SLC40A1: variants seen among roughly 807,000 people sequenced by gnomAD.
The protein encoded by SLC40A1 is ferroportin.
Under a neutral mutation model 53.5 loss-of-function variants are expected in SLC40A1, and 16 were observed. That is an observed-to-expected ratio of 0.30 (90% CI 0.20 to 0.45). The LOEUF (loss-of-function observed/expected upper bound fraction) is 0.45. Ranked by LOEUF, SLC40A1 falls within the 20% of genes least tolerant of loss-of-function variation. SLC40A1 has a pLI of 1.00. For synonymous variants in SLC40A1, 247 were observed against 253.2 expected (o/e 0.98, Z 0.23); for missense variants, 545 against 695.4 (o/e 0.78, Z 2.43).
chr2:189,570,038 A>G (rs2031075274), intron 5 of SLC40A1, among the ~76,000 whole-genome samples: 1 of 137,768 alleles, frequency 7.3e-6, no homozygotes, highest in South Asian at 2.2e-4. Context: ...GTATGTATAT[A>G]TATATACACA....
intron 2 of SLC40A1, among the ~76,000 whole-genome samples, chr2:189,576,891 C>A (rs1469337955): frequency 6.6e-6 from 1 of 152,142 alleles, no homozygotes; most frequent in East Asian, 1.9e-4. Flanking sequence ...GACATCAAGA[C>A]AAATGCTATT....
chr2:189,578,362 T>C (rs2031357889), intron 2 of SLC40A1: 3 of 1,002,346 alleles, frequency 3.0e-6, no homozygotes, highest in African/African-American at 1.7e-5. Flanking sequence ...TACTGTAAAG[T>C]TGGGATAAGC....
intron 2 of SLC40A1, chr2:189,578,462 G>A: frequency 1.5e-6 from 1 of 667,458 alleles, no homozygotes; most frequent in Non-Finnish European, 1.9e-6. Flanking sequence ...TGGCAAATCT[G>A]ACCTCCTAAC....
rs370435973 is a variant in SLC40A1, at chr2:189,563,761, G to A, written c.1225C>T (p.Arg409Ter). Residue 409 changes from arginine (R) to a stop codon, truncating the protein, a stop_gained, in exon 7 of 8, where the codon CGA (arginine) becomes TGA (stop). Transcript: ENST00000261024. LOFTEE classifies it high-confidence loss of function. Reference sequence around the variant, plus strand: ...GACTCTCCTTGAATGAACCTTGATCGGATATCTTCAAAAGGAGAAACGGAC... The same window carrying A: ...GACTCTCCTTGAATGAACCTTGATCAGATATCTTCAAAAGGAGAAACGGAC... Reference protein sequence around the residue: ...DLSVSPFEDIRSRFIQGESIT... With the variant: ...DLSVSPFEDI 6 of 1,614,060 alleles carry A rather than the reference G, an allele frequency of 3.7e-6. No homozygotes were observed. Among genetic ancestry groups the A allele is most frequent in the Non-Finnish European group, 5.1e-6 (6 of 1,179,996 alleles).
At position 189,564,799 on chromosome 2, in the gene SLC40A1, C is replaced by T. The variant is rs548433227; in HGVS notation, c.760+555G>A. Among the ~76,000 whole-genome samples, 6 of 152,252 alleles carry T rather than the reference C, an allele frequency of 3.9e-5. No homozygotes were observed. In the South Asian group the frequency reaches 1.2e-3, roughly 32 times the overall value. On this transcript the variant is annotated intron_variant, in intron 6 of 7. Coordinates refer to ENST00000261024, the MANE Select transcript of SLC40A1 (RefSeq NM_014585.6). The stretch of plus-strand genomic sequence containing the variant: ...AGCTTGCAGTGAGCCAAGATCGCGC[C>T]ACTGCACTCCAGCCTGGGCGACAGA...
At chr2:189,571,894 CAT>C in intron 4 of SLC40A1, 53 bp from the exon 5 acceptor site, 1 of 1,121,894 alleles carries the variant, frequency 8.9e-7, no homozygotes, top group Non-Finnish European at 1.4e-6. Flanking sequence ...CCACACTGTA[CAT>C]ATGTCACTAA....
chr2:189,563,010 A>G (rs904855786), intron 7 of SLC40A1, among the ~76,000 whole-genome samples: 38 of 152,226 alleles, frequency 2.5e-4, no homozygotes, highest in African/African-American at 9.2e-4. Flanking sequence ...TATAATTAAT[A>G]TAGCTAATAT....
intron 2 of SLC40A1, among the ~76,000 whole-genome samples, chr2:189,576,814 T>G (rs2031300290): frequency 1.3e-5 from 2 of 152,214 alleles, no homozygotes; most frequent in South Asian, 4.1e-4. Flanking sequence ...TTTCTAATAC[T>G]GTTGTTTCTT....
chr2:189,561,421 G>C lies in SLC40A1; in HGVS notation c.*457C>G, dbSNP rs1324644709. ...GGATAATATTAGTTATCAAAATTTA[G>C]TCTTCATACTTGAAGAATTTGTTTT... On this transcript the variant is annotated 3_prime_UTR_variant, in exon 8 of 8. Transcript: ENST00000261024. The C allele has an allele frequency of 6.1e-6, 1 of 165,144 alleles. No individual in the cohort carries two copies. Among genetic ancestry groups the C allele is most frequent in the East Asian group, 1.7e-4 (1 of 5,906 alleles). 10.2% of individuals were successfully genotyped at this position (165,144 alleles called of 1,614,324 possible).
chr2:189,580,762 A>G lies in SLC40A1; in HGVS notation c.-302T>C. ...CCGAGCCTAGCGGACGCCCTGAGCC[A>G]GCTCTCTCCGCCGCCGCCGCCGCCG... On this transcript the variant is annotated 5_prime_UTR_variant, in exon 1 of 8. Coordinates refer to ENST00000261024, the MANE Select transcript of SLC40A1 (RefSeq NM_014585.6). 1.5e-6 allele frequency: 2 copies of G among 1,304,954 alleles called. No homozygotes were observed. Among genetic ancestry groups the G allele is most frequent in the South Asian group, 1.5e-5 (1 of 65,298 alleles). The allele number at this position is 1,304,954 out of a possible 1,614,324, so 80.8% of individuals were successfully genotyped here.
rs184175592 is a variant in SLC40A1, at chr2:189,564,611, C to T, written c.761-386G>A. 5.7e-3 allele frequency among the ~76,000 whole-genome samples: 872 copies of T among 152,140 alleles called. 12 individuals carry two copies. Among genetic ancestry groups the T allele is most frequent in the African/African-American group, 0.019 (785 of 41,506 alleles). ...ATCCCAGCACTTTGGGAGGCCGAGGCGGGCAGATCACGAGGTCAGGAGATC... is the reference window on the plus strand; with the variant it reads ...ATCCCAGCACTTTGGGAGGCCGAGGTGGGCAGATCACGAGGTCAGGAGATC... On this transcript the variant is annotated intron_variant, in intron 6 of 7. Coordinates refer to ENST00000261024, the MANE Select transcript of SLC40A1 (RefSeq NM_014585.6).
In SLC40A1 at chr2:189,580,613, A is replaced by G; in HGVS notation, c.-153T>C. 6.5e-7 allele frequency: 1 copy of G among 1,546,866 alleles called. No homozygotes were observed. Among genetic ancestry groups the G allele is most frequent in the Middle Eastern group, 1.7e-4 (1 of 5,986 alleles). Reference sequence around the variant, plus strand: ...AAAGACTACAACGACGACTTTGGCAAAGAACAAAAGAAAAGGGGCCCAGGG... The same window carrying G: ...AAAGACTACAACGACGACTTTGGCAGAGAACAAAAGAAAAGGGGCCCAGGG... On this transcript the variant is annotated 5_prime_UTR_variant, in exon 1 of 8. Transcript: ENST00000261024.
At chr2:189,576,228 C>T (rs2031281820) in intron 2 of SLC40A1, among the ~76,000 whole-genome samples, 1 of 152,140 alleles carries the variant, frequency 6.6e-6, no homozygotes, top group South Asian at 2.1e-4. Flanking sequence ...CATGTTCCAT[C>T]ATAACTTATC....
At position 189,580,610 on chromosome 2, in the gene SLC40A1, GCAAAGAA is replaced by G. The variant is rs1015752467; in HGVS notation, c.-157_-151del. The G allele has an allele frequency of 3.6e-5, 56 of 1,554,252 alleles. No individual in the cohort carries two copies. In the African/African-American group the frequency reaches 7.3e-4, roughly 20 times the overall value. On this transcript the variant is annotated 5_prime_UTR_variant, in exon 1 of 8. Transcript: ENST00000261024. ...CAAAAAGACTACAACGACGACTTTG[GCAAAGAA>G]CAAAAGAAAAGGGGCCCAGGGATTT... is the stretch of plus-strand genomic sequence containing the variant.
Position 189,580,473 on chromosome 2 carries a change from C to T in SLC40A1, c.-13G>A. 1.2e-6 allele frequency: 2 copies of T among 1,613,336 alleles called. No individual in the cohort carries two copies. Among genetic ancestry groups the T allele is most frequent in the African/African-American group, 1.3e-5 (1 of 75,038 alleles). Reference sequence around the variant, plus strand: ...CCGCCCTGGTCATGACACTAGGCGACCCCGCTGGCTCTTCTGCGGCTGCTA... The same window carrying T: ...CCGCCCTGGTCATGACACTAGGCGATCCCGCTGGCTCTTCTGCGGCTGCTA... On this transcript the variant is annotated 5_prime_UTR_variant, in exon 1 of 8. Coordinates refer to ENST00000261024, the MANE Select transcript of SLC40A1 (RefSeq NM_014585.6).
chr2:189,578,316 A>G (rs1401729741), intron 2 of SLC40A1: 8 of 1,002,342 alleles, frequency 8.0e-6, no homozygotes. Flanking sequence ...TGTTTGTTTA[A>G]TCCAACTTTC....
At chr2:189,569,145 C>A (rs2105625403) in intron 5 of SLC40A1, among the ~76,000 whole-genome samples, 1 of 152,356 alleles carries the variant, frequency 6.6e-6, no homozygotes, top group African/African-American at 2.4e-5. Flanking sequence ...AACTTTTTAA[C>A]CTTGGCAGGG....
rs184160675 is a variant in SLC40A1, at chr2:189,568,850, G to C, written c.514+2865C>G. ...GGCAGATTATTTTTTAGCATGATGG[G>C]CAAGAAAAATCTCAGAAGATACTAA... On this transcript the variant is annotated intron_variant, in intron 5 of 7. Transcript: ENST00000261024. Among the ~76,000 whole-genome samples the C allele has an allele frequency of 6.5e-4, 99 of 152,168 alleles. No homozygotes were observed. The East Asian group carries it at 0.019, about 29-fold the overall frequency.
intron 2 of SLC40A1, chr2:189,578,336 C>T (rs2031356565): frequency 1.0e-6 from 1 of 1,002,350 alleles, no homozygotes; most frequent in Non-Finnish European, 1.2e-6. Context: ...CTCATGAGAA[C>T]TTCCTTTGCT....
Sources: allele counts gnomAD v4.1 joint callset (sites outside exome capture counted in the v4.1 genomes callset), GRCh38; gene constraint gnomAD v4.1.1; transcripts MANE v1.5; gene names NCBI Gene and HGNC (gene_info 2026-07-23, HGNC 2026-07-21).